The following ERC1 variants were observed in gnomAD, a reference collection of about 807,000 sequenced individuals.
ERC1 encodes ELKS/RAB6-interacting/CAST family member 1.
A neutral mutation model predicts 132.0 loss-of-function variants in ERC1; 56 were observed. The ratio of observed to expected loss-of-function variants is 0.42; its 90% CI spans 0.34 to 0.53. The LOEUF is 0.53. ERC1 is among the 20% of genes least tolerant of loss of function. The pLI is 0.03. For synonymous variants in ERC1, 478 were observed against 476.1 expected (o/e 1.00, Z -0.05); for missense variants, 1,202 against 1,349.9 (o/e 0.89, Z 1.72).
chr12:1,270,614 C>T (rs1472842096), intron 14 of ERC1, among the ~76,000 whole-genome samples: 1 of 151,678 alleles, frequency 6.6e-6, no homozygotes, highest in Non-Finnish European at 1.5e-5. Flanking sequence ...TAATAAGATA[C>T]ATTTTAATTA....
chr12:1,338,626 G>T (rs1314598485), intron 15 of ERC1, among the ~76,000 whole-genome samples: 1 of 152,180 alleles, frequency 6.6e-6, no homozygotes, highest in African/African-American at 2.4e-5. Context: ...TTTTTGAGTT[G>T]TCAAGAGTTC....
chr12:1,425,328 G>T (rs12426363), intron 17 of ERC1, among the ~76,000 whole-genome samples: 2 of 152,144 alleles, frequency 1.3e-5, no homozygotes, highest in Non-Finnish European at 2.9e-5. Flanking sequence ...TTTCCTGTTA[G>T]AGTGGATGGT....
intron 12 of ERC1, among the ~76,000 whole-genome samples, chr12:1,227,604 C>T (rs774880321): frequency 2.0e-5 from 3 of 152,120 alleles, no homozygotes; most frequent in Admixed American, 6.5e-5. Context: ...TTTAAGTTGT[C>T]TCTTTACTCT....
At chr12:1,361,040 G>C (rs966190890) in intron 15 of ERC1, among the ~76,000 whole-genome samples, 1 of 147,664 alleles carries the variant, frequency 6.8e-6, no homozygotes, top group Non-Finnish European at 1.5e-5. Flanking sequence ...GGCTGCAGTT[G>C]TTGGCTATGA....
At chr12:1,154,234 T>C (rs777264604) in intron 8 of ERC1, among the ~76,000 whole-genome samples, 93 of 76,746 alleles carry the variant, frequency 1.2e-3, no homozygotes, top group Admixed American at 3.0e-3. Context: ...TATATGTATA[T>C]GTATATGTAT....
rs1239172763 is a variant in ERC1, at chr12:991,244, T to TGGC, written c.-220_-218dup. ...CGTCGCGGGCGCCTGGGCCGTGCTG[T>TGGC]GGCGGCGGCGGCGGCGGTAGTGGCG... On this transcript the variant is annotated 5_prime_UTR_variant, in exon 1 of 19. Transcript: ENST00000360905. 2.1e-3 allele frequency: 279 copies of TGGC among 129,926 alleles called. No individual in the cohort carries two copies. Among genetic ancestry groups the TGGC allele is most frequent in the Non-Finnish European group, 3.8e-3 (220 of 58,036 alleles). 8.0% of individuals were successfully genotyped at this position (129,926 alleles called of 1,614,324 possible). A position where few individuals can be genotyped will look rare whatever the true frequency, so the allele number is the denominator to read the frequency against.
intron 18 of ERC1, among the ~76,000 whole-genome samples, chr12:1,463,956 G>A (rs1365824517): frequency 6.6e-6 from 1 of 152,114 alleles, no homozygotes; most frequent in African/African-American, 2.4e-5. Flanking sequence ...CAAAGGTCCG[G>A]GGGAAGACAG....
intron 2 of ERC1, among the ~76,000 whole-genome samples, chr12:1,070,853 C>T (rs1338623228): frequency 6.6e-6 from 1 of 152,192 alleles, no homozygotes; most frequent in African/African-American, 2.4e-5. Context: ...CATCTCTCCC[C>T]AGTTCGCATC....
intron 18 of ERC1, among the ~76,000 whole-genome samples, chr12:1,474,722 CT>C (rs1330735430): frequency 1.3e-5 from 2 of 152,126 alleles, no homozygotes; most frequent in Non-Finnish European, 2.9e-5. Flanking sequence ...GGCAGTTATC[CT>C]AACACTCAAA....
intron 13 of ERC1, among the ~76,000 whole-genome samples, chr12:1,245,118 A>T (rs1232553407): frequency 6.6e-6 from 1 of 152,226 alleles, no homozygotes; most frequent in African/African-American, 2.4e-5. Flanking sequence ...ATACATTTTT[A>T]AAGTATGCAC....
intron 8 of ERC1, among the ~76,000 whole-genome samples, chr12:1,170,609 A>G (rs1376400947): frequency 2.0e-5 from 3 of 152,096 alleles, no homozygotes; most frequent in Admixed American, 2.0e-4. Flanking sequence ...TCAATTTTTT[A>G]TATATGCTGA....
intron 16 of ERC1, among the ~76,000 whole-genome samples, chr12:1,394,161 G>T (rs1344292787): frequency 6.6e-6 from 1 of 151,848 alleles, no homozygotes; most frequent in Non-Finnish European, 1.5e-5. Context: ...AGCACTTTGG[G>T]AGGCCAAGGC....
At chr12:1,098,723 A>T (rs184007632) in intron 3 of ERC1, among the ~76,000 whole-genome samples, 1 of 152,356 alleles carries the variant, frequency 6.6e-6, no homozygotes, top group East Asian at 1.9e-4. Context: ...GAGATGCCAA[A>T]TGGGCAGTTG....
chr12:1,034,106 A>G (rs1968601786), intron 2 of ERC1, among the ~76,000 whole-genome samples: 1 of 152,186 alleles, frequency 6.6e-6, no homozygotes, highest in African/African-American at 2.4e-5. Flanking sequence ...TGAGATTGGT[A>G]AATTTGGAGT....
Position 1,182,810 on chromosome 12 carries a change from C to T in ERC1, c.2017-471C>T, listed in dbSNP as rs182080601. 2.7e-3 allele frequency among the ~76,000 whole-genome samples: 414 copies of T among 150,946 alleles called. 1 individual carries two copies. Among genetic ancestry groups the T allele is most frequent in the African/African-American group, 9.8e-3 (396 of 40,434 alleles). ...CCATGTAGCTAGGACTATACGTGTG[C>T]ACTACCATGCCCAGCTAAGTTAAAA... On this transcript the variant is annotated intron_variant, in intron 10 of 18. Transcript: ENST00000360905.
chr12:1,034,629 C>T (rs747683675), intron 2 of ERC1, among the ~76,000 whole-genome samples: 53 of 151,936 alleles, frequency 3.5e-4, no homozygotes, highest in Non-Finnish European at 6.3e-4. Context: ...AGCTAGTCAC[C>T]GTTATACCTT....
rs1346565415 is a variant in ERC1 at position 1,182,008 on chromosome 12, T to A, written c.1959T>A (p.Asp653Glu). ...KQEEIDNYKK[D>E]LKDLKEKVSL... ...AGGAAATTGATAACTACAAAAAAGA[T>A]CTTAAAGACTTGAAGGAAAAAGTCA... Residue 653 changes from aspartate (D) to glutamate (E), a missense_variant, in exon 10 of 19, where the codon GAT (aspartate) becomes GAA (glutamate). By Grantham distance (45) the Asp-to-Glu change is conservative. Coordinates refer to ENST00000360905, the MANE Select transcript of ERC1 (RefSeq NM_178040.4). 6.2e-7 allele frequency: 1 copy of A among 1,614,018 alleles called. No individual in the cohort carries two copies.
At chr12:1,123,518 TA>T (rs1396120184) in intron 7 of ERC1, among the ~76,000 whole-genome samples, 2 of 151,984 alleles carry the variant, frequency 1.3e-5, no homozygotes, top group Non-Finnish European at 2.9e-5. Flanking sequence ...AATACAGAGA[TA>T]GAAAAAAATT....
chr12:1,080,040 T>C (rs1941958433), intron 2 of ERC1, among the ~76,000 whole-genome samples: 1 of 152,220 alleles, frequency 6.6e-6, no homozygotes, highest in Non-Finnish European at 1.5e-5. Flanking sequence ...TATGTGAAGG[T>C]GCATCTTACA....
Sources: gnomAD v4.1 joint callset for allele counts (sites outside exome capture counted in the v4.1 genomes callset) on GRCh38, gnomAD v4.1.1 for gene constraint, MANE v1.5 for transcripts, NCBI Gene and HGNC (gene_info 2026-07-23, HGNC 2026-07-21) for gene names.